Variants in TDRD3 observed in about 807,000 individuals in gnomAD.
TDRD3 encodes the protein tudor domain-containing protein 3.
TDRD3 carries 45 observed loss-of-function variants against 86.7 expected under a neutral mutation model. The ratio of observed to expected loss-of-function variants is 0.52; its 90% confidence interval spans 0.41 to 0.67. The LOEUF (loss-of-function observed/expected upper bound fraction) is 0.67. Ranked by LOEUF, TDRD3 falls within the 30% of genes least tolerant of loss-of-function variation. TDRD3 has a pLI of 0.00. For synonymous variants in TDRD3, 298 were observed against 301.7 expected, an observed-to-expected ratio of 0.99 and a Z score of 0.13; for missense variants, 814 against 889.0, an observed-to-expected ratio of 0.92 and a Z score of 1.07.
chr13:60,459,976 A>C (rs907184688), intron 3 of TDRD3, among the ~76,000 whole-genome samples: 3 of 152,146 alleles, frequency 2.0e-5, no homozygotes, highest in African/African-American at 7.2e-5. Context: ...AAAAAACTGC[A>C]AAGTTCTTTA....
chr13:60,571,597 G>A (rs1958586297), intron 13 of TDRD3, among the ~76,000 whole-genome samples: 1 of 152,150 alleles, frequency 6.6e-6, no homozygotes, highest in Non-Finnish European at 1.5e-5. Context: ...ACTTCACTAG[G>A]TGATGAATGA....
chr13:60,524,522 T>A (rs1198149188), intron 10 of TDRD3, among the ~76,000 whole-genome samples: 1 of 150,396 alleles, frequency 6.6e-6, no homozygotes, highest in African/African-American at 2.4e-5. Context: ...AAAAAATAAA[T>A]AAATAAATAA....
chr13:60,520,762 G>T (rs1341434738), intron 10 of TDRD3, among the ~76,000 whole-genome samples: 1 of 152,162 alleles, frequency 6.6e-6, no homozygotes. Context: ...CAGTAACTAT[G>T]ATGAGTAACA....
At chr13:60,460,668 T>A in intron 4 of TDRD3, 128 bp downstream of exon 4, 1 of 844,168 alleles carries the variant, frequency 1.2e-6, no homozygotes, top group Non-Finnish European at 1.7e-6. Context: ...CAGATGAAAT[T>A]ATAGAGCTTT....
chr13:60,416,252 A>G (rs1329779390), intron 1 of TDRD3, among the ~76,000 whole-genome samples: 1 of 152,172 alleles, frequency 6.6e-6, no homozygotes, highest in Admixed American at 6.5e-5. Context: ...GGAAGTACTC[A>G]TAATATAGTT....
rs1953942397 is a variant in TDRD3, at chr13:60,397,285, T to TA, written c.-78dup. On this transcript the variant is annotated 5_prime_UTR_variant, in exon 1 of 14. An upstream open reading frame in the 5' UTR gains an earlier in-frame stop. Transcript: ENST00000377881. ...TTCTTTTCTTTTCTTTTTTTTTTTT[T>TA]AAGGGGGGGGGTCTCAAGTAGGAGG... 6.4e-6 allele frequency: 4 copies of TA among 623,716 alleles called. No homozygotes were observed. Among genetic ancestry groups the TA allele is most frequent in the South Asian group, 3.2e-5 (1 of 31,708 alleles). 38.6% of individuals were successfully genotyped at this position (623,716 alleles called of 1,614,324 possible).
chr13:60,439,134 A>G (rs1242048047), intron 1 of TDRD3, among the ~76,000 whole-genome samples: 4 of 152,146 alleles, frequency 2.6e-5, no homozygotes, highest in Non-Finnish European at 5.9e-5. Context: ...AGAGATAGGA[A>G]AAGTAAAAGA....
chr13:60,449,462 A>G (rs1566199492), intron 3 of TDRD3, among the ~76,000 whole-genome samples: 1 of 152,156 alleles, frequency 6.6e-6, no homozygotes, highest in Non-Finnish European at 1.5e-5. Context: ...AAAAAGTTAG[A>G]GAAGTGAAGA....
rs76190678 is a variant in TDRD3, at chr13:60,439,631, G to T, written c.42-57G>T. On this transcript the variant is annotated intron_variant, in intron 1 of 13. Coordinates refer to ENST00000377881, the MANE Select transcript of TDRD3 (RefSeq NM_001146070.2). ...AAAACAAAATTGCATGTAGACTTAA[G>T]AATTTTGGTTAATTTTGATTTTAGA... is the stretch of plus-strand genomic sequence containing the variant. The T allele has an allele frequency of 7.9e-3, 10,839 of 1,373,512 alleles. 619 individuals carry two copies. In the Admixed American group the frequency reaches 0.14, roughly 18 times the overall value. 85.1% of individuals were successfully genotyped at this position (1,373,512 alleles called of 1,614,324 possible).
At chr13:60,554,517 T>G (rs1278486231) in intron 12 of TDRD3, among the ~76,000 whole-genome samples, 1 of 152,186 alleles carries the variant, frequency 6.6e-6, no homozygotes, top group Non-Finnish European at 1.5e-5. Flanking sequence ...ATAAACAATT[T>G]ACACTGGGGG....
At position 60,494,844 on chromosome 13, in the gene TDRD3, C is replaced by T. The variant is rs116599606; in HGVS notation, c.858+269C>T. Among the ~76,000 whole-genome samples the T allele has an allele frequency of 9.3e-3, 1,413 of 152,252 alleles. 19 individuals are homozygous for T. Among genetic ancestry groups the T allele is most frequent in the African/African-American group, 0.032 (1,316 of 41,538 alleles). On this transcript the variant is annotated intron_variant, in intron 8 of 13. Transcript: ENST00000377881. The stretch of plus-strand genomic sequence containing the variant: ...GATAAAAAGCCATCAAAAGATGATG[C>T]ATCAAAAACATACATTTTTCTGTGC...
At chr13:60,455,251 A>T (rs957831422) in intron 3 of TDRD3, among the ~76,000 whole-genome samples, 2 of 152,180 alleles carry the variant, frequency 1.3e-5, no homozygotes, top group Non-Finnish European at 2.9e-5. Flanking sequence ...TTGAAATGAT[A>T]CTAAGAGATG....
At position 60,430,016 on chromosome 13, in the gene TDRD3, A is replaced by C. The variant is rs181378039; in HGVS notation, c.42-9672A>C. ...TGTCTCCTCATTTATTCTTAGAAAA[A>C]CTCTGTAGATCAGTATTTTCAGTAC... On this transcript the variant is annotated intron_variant, in intron 1 of 13. Coordinates refer to ENST00000377881, the MANE Select transcript of TDRD3 (RefSeq NM_001146070.2). 2.1e-4 allele frequency among the ~76,000 whole-genome samples: 32 copies of C among 152,090 alleles called. No homozygotes were observed. The East Asian group carries it at 5.8e-3, about 28-fold the overall frequency.
At chr13:60,515,180 G>T (rs984977878) in intron 10 of TDRD3, among the ~76,000 whole-genome samples, 2 of 152,186 alleles carry the variant, frequency 1.3e-5, no homozygotes, top group African/African-American at 4.8e-5. Context: ...AATCAGATTT[G>T]ATCTGGTATA....
At chr13:60,462,033 G>A (rs1955814547) in intron 4 of TDRD3, among the ~76,000 whole-genome samples, 1 of 152,110 alleles carries the variant, frequency 6.6e-6, no homozygotes, top group African/African-American at 2.4e-5. Context: ...GTCTGCCTCT[G>A]GTAAATGAGG....
In TDRD3 at chr13:60,460,422, G is replaced by A; in HGVS notation, c.235G>A (p.Val79Ile). ...CVLQIQKIRN[V>I]AAPKDNEESQ... ...TTTGCAAATTCAAAAAATTCGCAAT[G>A]TTGCTGCACCAAAGGATAATGAAGA... The change falls in exon 4 of 14, where the codon GTT becomes ATT. Residue 79 changes from valine (V) to isoleucine (I), a missense_variant. By Grantham distance (29) the Val-to-Ile change is conservative. Transcript: ENST00000377881. 1 of 1,603,578 alleles carries A rather than the reference G, an allele frequency of 6.2e-7. No individual in the cohort carries two copies. Among genetic ancestry groups the A allele is most frequent in the Non-Finnish European group, 8.5e-7 (1 of 1,177,376 alleles).
intron 10 of TDRD3, among the ~76,000 whole-genome samples, chr13:60,512,137 C>T (rs1278136987): frequency 6.6e-5 from 10 of 152,122 alleles, no homozygotes; most frequent in South Asian, 4.2e-4. Context: ...CTCACAATCA[C>T]GGTGGAAGGC....
intron 12 of TDRD3, among the ~76,000 whole-genome samples, chr13:60,555,096 C>CAT (rs1324672920): frequency 1.3e-5 from 2 of 152,106 alleles, no homozygotes; most frequent in African/African-American, 2.4e-5. Context: ...TTCAACCATA[C>CAT]TCCCATCAAA....
chr13:60,477,317 G>A (rs1381943547), intron 5 of TDRD3, among the ~76,000 whole-genome samples: 1 of 151,596 alleles, frequency 6.6e-6, no homozygotes, highest in Middle Eastern at 3.2e-3. Flanking sequence ...TGGGTTCAAG[G>A]GATCCTCCTG....
Sources: gnomAD v4.1 joint callset for allele counts (sites outside exome capture counted in the v4.1 genomes callset) on GRCh38, gnomAD v4.1.1 for gene constraint, MANE v1.5 for transcripts, NCBI Gene and HGNC (gene_info 2026-07-23, HGNC 2026-07-21) for gene names.